Variants in SERPINI1 observed in about 807,000 individuals in gnomAD.
SERPINI1 encodes serpin family I member 1, also known as neuroserpin.
Under a neutral mutation model 41.1 loss-of-function variants are expected in SERPINI1, and 19 were observed. The ratio of observed to expected loss-of-function variants is 0.46; its 90% CI spans 0.32 to 0.68. The LOEUF (loss-of-function observed/expected upper bound fraction) is 0.68, where lower values mean the gene tolerates loss of function less well. SERPINI1 is among the 30% of genes least tolerant of loss of function. SERPINI1 has a pLI of 0.03. For synonymous variants in SERPINI1, 138 were observed against 156.6 expected (o/e 0.88, Z 0.89); for missense variants, 460 against 479.2 (o/e 0.96, Z 0.37).
intron 1 of SERPINI1, among the ~76,000 whole-genome samples, chr3:167,749,472 A>C (rs1467764452): frequency 6.6e-6 from 1 of 152,230 alleles, no homozygotes; most frequent in African/African-American, 2.4e-5. Flanking sequence ...ATACAAGACA[A>C]TTGTGACTAT....
chr3:167,800,233 T>A (rs1292625293), intron 5 of SERPINI1: 1 of 151,948 alleles, frequency 6.6e-6, no homozygotes, highest in African/African-American at 2.4e-5. Context: ...CATTTATCCA[T>A]GGTAGCAAAA....
intron 1 of SERPINI1, among the ~76,000 whole-genome samples, chr3:167,772,864 C>CTCTCTCTCTCTCTCTCTCTA (rs1374013676): frequency 4.1e-5 from 1 of 24,644 alleles, no homozygotes; most frequent in Non-Finnish European, 6.5e-5. Context: ...CTCTCTCTCT[C>CTCTCTCTCTCTCTCTCTCTA]TATATATATA....
chr3:167,787,016 CT>C (rs568613463), intron 1 of SERPINI1, among the ~76,000 whole-genome samples: 10 of 152,144 alleles, frequency 6.6e-5, no homozygotes, highest in African/African-American at 9.7e-5. Flanking sequence ...ACTCTATAAG[CT>C]TTTTTTCTAA....
chr3:167,750,965 T>C (rs181415510), intron 1 of SERPINI1, among the ~76,000 whole-genome samples: 306 of 152,118 alleles, frequency 2.0e-3, no homozygotes, highest in Non-Finnish European at 3.3e-3. Flanking sequence ...CTAAACCCTA[T>C]AAAAATAATA....
chr3:167,795,294 A>G (rs1454591600), intron 5 of SERPINI1, among the ~76,000 whole-genome samples: 1 of 152,224 alleles, frequency 6.6e-6, no homozygotes, highest in Non-Finnish European at 1.5e-5. Flanking sequence ...AGATGCAACC[A>G]TAAATTAGCA....
chr3:167,778,780 T>A (rs141316972), intron 1 of SERPINI1, among the ~76,000 whole-genome samples: 2 of 152,348 alleles, frequency 1.3e-5, no homozygotes, highest in Non-Finnish European at 2.9e-5. Flanking sequence ...GCCCTTACCA[T>A]AATTCCCGAA....
chr3:167,796,352 A>C, intron 5 of SERPINI1, among the ~76,000 whole-genome samples: 2 of 151,736 alleles, frequency 1.3e-5, no homozygotes, highest in East Asian at 3.9e-4. Context: ...TCTATTTTTT[A>C]TATTTTATTT....
chr3:167,772,893 T>TATATATATATACAC (rs1391850018), intron 1 of SERPINI1, among the ~76,000 whole-genome samples: 22 of 52,218 alleles, frequency 4.2e-4, no homozygotes, highest in African/African-American at 1.1e-3. Context: ...TATATATATA[T>TATATATATATACAC]ACACACACAC....
chr3:167,761,811 T>C (rs897953419), intron 1 of SERPINI1, among the ~76,000 whole-genome samples: 4 of 152,178 alleles, frequency 2.6e-5, no homozygotes, highest in African/African-American at 4.8e-5. Context: ...GAGAATAAAT[T>C]TGCAACACAA....
intron 6 of SERPINI1, among the ~76,000 whole-genome samples, chr3:167,821,288 G>A (rs1234409395): frequency 6.6e-6 from 1 of 152,218 alleles, no homozygotes; most frequent in African/African-American, 2.4e-5. Context: ...GAGAAGAGAA[G>A]TGCCGTGGCC....
At chr3:167,823,769 G>A (rs1480858055) in intron 7 of SERPINI1, among the ~76,000 whole-genome samples, 1 of 152,112 alleles carries the variant, frequency 6.6e-6, no homozygotes, top group Non-Finnish European at 1.5e-5. Context: ...TTTCATGATA[G>A]GATAGTATTT....
chr3:167,766,850 G>T (rs1256412556), intron 1 of SERPINI1, among the ~76,000 whole-genome samples: 1 of 152,206 alleles, frequency 6.6e-6, no homozygotes, highest in African/African-American at 2.4e-5. Flanking sequence ...AGAAAAGATT[G>T]AAGCCAGCAG....
chr3:167,812,290 TC>T (rs1711918417), intron 6 of SERPINI1, among the ~76,000 whole-genome samples: 1 of 152,220 alleles, frequency 6.6e-6, no homozygotes, highest in South Asian at 2.1e-4. Context: ...CTGTGCCCCA[TC>T]CGCTGCTCAG....
At position 167,823,122 on chromosome 3, in the gene SERPINI1, G is replaced by A. The variant is rs777931879; in HGVS notation, c.1066+50G>A. On this transcript the variant is annotated intron_variant, in intron 7 of 8. Coordinates refer to ENST00000446050, the MANE Select transcript of SERPINI1 (RefSeq NM_001122752.2). ...CCTCTTCTAGATTTGTATTTTTAGA[G>A]CAATCTTGAGTGGGGAGTGGGGTCA... 12 of 1,261,528 alleles carry A rather than the reference G, an allele frequency of 9.5e-6. No homozygotes were observed. In the African/African-American group the frequency reaches 1.8e-4, roughly 19 times the overall value. The allele number at this position is 1,261,528 out of a possible 1,614,324, so 78.1% of individuals were successfully genotyped here.
rs577673965 is a variant in SERPINI1, at chr3:167,770,459, T to C, written c.-18-18652T>C. ...TATATTTCGAACCACCCTATTTTAA[T>C]TATTGTAGCTTTTTAATGCATTTTA... On this transcript the variant is annotated intron_variant, in intron 1 of 8. Coordinates refer to ENST00000446050, the MANE Select transcript of SERPINI1 (RefSeq NM_001122752.2). Among the ~76,000 whole-genome samples the C allele has an allele frequency of 2.0e-5, 3 of 152,228 alleles. No individual in the cohort carries two copies. The South Asian group carries it at 6.2e-4, about 32-fold the overall frequency.
chr3:167,820,600 C>A (rs1410400931), intron 6 of SERPINI1, among the ~76,000 whole-genome samples: 1 of 152,364 alleles, frequency 6.6e-6, no homozygotes, highest in East Asian at 1.9e-4. Context: ...ACTGGGCCCC[C>A]TCCAGACTTT....
At chr3:167,765,760 G>T (rs980075431) in intron 1 of SERPINI1, among the ~76,000 whole-genome samples, 1 of 152,106 alleles carries the variant, frequency 6.6e-6, no homozygotes, top group African/African-American at 2.4e-5. Flanking sequence ...GCCTTTAACA[G>T]CACCCAAGTC....
At chr3:167,757,394 C>A (rs9866873) in intron 1 of SERPINI1, among the ~76,000 whole-genome samples, 1 of 151,762 alleles carries the variant, frequency 6.6e-6, no homozygotes. Flanking sequence ...ATATGATCTC[C>A]TTGGTGTTAC....
intron 1 of SERPINI1, among the ~76,000 whole-genome samples, chr3:167,780,479 T>C (rs1727086593): frequency 6.6e-6 from 1 of 152,184 alleles, no homozygotes; most frequent in Non-Finnish European, 1.5e-5. Context: ...AACACTGTGA[T>C]CTATTCTGTA....
Sources: gnomAD v4.1 joint callset for allele counts (sites outside exome capture counted in the v4.1 genomes callset) on GRCh38, gnomAD v4.1.1 for gene constraint, MANE v1.5 for transcripts, NCBI Gene and HGNC (gene_info 2026-07-23, HGNC 2026-07-21) for gene names.